JAKMIP1: variants seen among roughly 807,000 people sequenced by gnomAD.
The protein encoded by JAKMIP1 is janus kinase and microtubule-interacting protein 1.
A neutral mutation model predicts 113.0 loss-of-function variants in JAKMIP1; 33 were observed. That is an observed-to-expected ratio of 0.29 (90% CI 0.22 to 0.39). The LOEUF (loss-of-function observed/expected upper bound fraction) is 0.39, where lower values mean the gene tolerates loss of function less well. JAKMIP1 is among the 10% of genes least tolerant of loss of function. The pLI is 1.00. For synonymous variants in JAKMIP1, 480 were observed against 459.9 expected, an observed-to-expected ratio of 1.04 and a Z score of -0.56; for missense variants, 813 against 1,080.5, an observed-to-expected ratio of 0.75 and a Z score of 3.47.
At chr4:6,062,469 A>C (rs563053164) in intron 9 of JAKMIP1, 29 bp from the exon 10 acceptor site, 7 of 1,591,332 alleles carry the variant, frequency 4.4e-6, no homozygotes, top group Non-Finnish European at 4.3e-6. Flanking sequence ...AAAACAAATA[A>C]TCAAGTGCAA....
In JAKMIP1 at chr4:6,155,634, A is replaced by G. The variant is rs865921609; in HGVS notation, c.-147-42637T>C. Among the ~76,000 whole-genome samples, 4 of 152,252 alleles carry G rather than the reference A, an allele frequency of 2.6e-5. No individual in the cohort carries two copies. Among genetic ancestry groups the G allele is most frequent in the Admixed American group, 1.3e-4 (2 of 15,284 alleles). ...CGCATATTCAGCTGCAGGGACATGC[A>G]CGGATGTGCTGTTTACAACAAGGAA... On this transcript the variant is annotated intron_variant, in intron 1 of 20. Transcript: ENST00000409021. This position sits in a 1 kb window ranked among gnomAD's most constrained non-coding sequence, Gnocchi z 6.1.
In JAKMIP1 at chr4:6,105,827, C is replaced by T; in HGVS notation, c.270G>A (p.Gly90=). The T allele has an allele frequency of 1.2e-6, 2 of 1,611,026 alleles. No individual in the cohort carries two copies. Among genetic ancestry groups the T allele is most frequent in the Middle Eastern group, 3.3e-4 (2 of 6,060 alleles). Reference sequence around the variant, plus strand: ...CCTCCTGCTCGTGCTGCCGGATGAGCCCCTCGCGCAGCGCCTGCAGCTCCT... The same window carrying T: ...CCTCCTGCTCGTGCTGCCGGATGAGTCCCTCGCGCAGCGCCTGCAGCTCCT... ...KTKELQALRE[G]LIRQHEQEAA... Residue 90 remains glycine (G), a synonymous_variant, in exon 3 of 21, where the codon GGG becomes GGA. Transcript: ENST00000409021.
intron 1 of JAKMIP1, among the ~76,000 whole-genome samples, chr4:6,146,032 A>G (rs534500012): frequency 8.7e-4 from 133 of 152,316 alleles, no homozygotes; most frequent in Non-Finnish European, 1.6e-3. Context: ...AGTGTCTCTC[A>G]ATAGATGAAT....
chr4:6,062,226 A>G (rs933690575), intron 10 of JAKMIP1, 86 bp downstream of exon 10: 14 of 1,466,884 alleles, frequency 9.5e-6, no homozygotes, highest in Non-Finnish European at 1.3e-5. Context: ...TGAGTGTCCA[A>G]GCCAGGGTAT....
chr4:6,042,147 CA>C lies in JAKMIP1; in HGVS notation c.2097+11del. Reference sequence around the variant, plus strand: ...ACCCTCTCCCCCACCCCCAGGCAGTCAAATCTTTTACCTTCTCCTTCTCCAG... The same window carrying C: ...ACCCTCTCCCCCACCCCCAGGCAGTCAATCTTTTACCTTCTCCTTCTCCAG... On this transcript the variant is annotated intron_variant, in intron 17 of 20. Transcript: ENST00000409021. The surrounding 1 kb of genome is among the most constrained non-coding windows in gnomAD (Gnocchi z 5.2). 6.2e-7 allele frequency: 1 copy of C among 1,612,574 alleles called. No individual in the cohort carries two copies.
At chr4:6,132,225 T>C (rs1366152971) in intron 1 of JAKMIP1, among the ~76,000 whole-genome samples, 4 of 152,198 alleles carry the variant, frequency 2.6e-5, no homozygotes, top group Admixed American at 6.5e-5. Flanking sequence ...GTGTTGTTAT[T>C]TGAAAGTGGA....
rs1265347905 is a variant in JAKMIP1 at position 6,129,259 on chromosome 4, G to A, written c.-147-16262C>T. On this transcript the variant is annotated intron_variant, in intron 1 of 20. Transcript: ENST00000409021. This position sits in a 1 kb window ranked among gnomAD's most constrained non-coding sequence, Gnocchi z 5.4. Reference sequence around the variant, plus strand: ...ATAGTCCCCCCTTCTGCAGAATCAAGTACAACTGGACAAGAGCTGGCACAT... The same window carrying A: ...ATAGTCCCCCCTTCTGCAGAATCAAATACAACTGGACAAGAGCTGGCACAT... Among the ~76,000 whole-genome samples the A allele has an allele frequency of 6.6e-6, 1 of 152,206 alleles. No individual in the cohort carries two copies. Among genetic ancestry groups the A allele is most frequent in the Non-Finnish European group, 1.5e-5 (1 of 68,032 alleles).
At chr4:6,177,092 C>CA (rs1200981801) in intron 1 of JAKMIP1, among the ~76,000 whole-genome samples, 1 of 152,140 alleles carries the variant, frequency 6.6e-6, no homozygotes, top group Non-Finnish European at 1.5e-5. Context: ...GAGCAGTGAC[C>CA]ATGTGACCAT....
rs144775855 is a variant in JAKMIP1, at chr4:6,055,872, A to G, written c.1707+825T>C. On this transcript the variant is annotated intron_variant, in intron 12 of 20. Transcript: ENST00000409021. ...CCCAGAGGTCGGGGCAGCCCTCCTT[A>G]TTTCTGCAGAGTGTCCCCAGAGGAC... Among the ~76,000 whole-genome samples, 124 of 139,862 alleles carry G rather than the reference A, an allele frequency of 8.9e-4. 1 individual carries two copies. Among genetic ancestry groups the G allele is most frequent in the African/African-American group, 3.3e-3 (118 of 36,038 alleles). 91.8% of individuals were successfully genotyped at this position (139,862 alleles called of 152,430 possible).
At chr4:6,039,692 C>G (rs1714061071) in intron 18 of JAKMIP1, among the ~76,000 whole-genome samples, 1 of 152,148 alleles carries the variant, frequency 6.6e-6, no homozygotes, top group African/African-American at 2.4e-5. Context: ...TTCTACATCT[C>G]CTGCTCCTAG....
chr4:6,030,684 C>A lies in JAKMIP1; in HGVS notation c.2380-903G>T, dbSNP rs149021278. 8.2e-4 allele frequency among the ~76,000 whole-genome samples: 125 copies of A among 152,332 alleles called. 1 individual carries two copies. In the East Asian group the frequency reaches 0.024, roughly 29 times the overall value. ...AGAGACCTCATACAATGAGACAATG[C>A]TGGGAGGCGGAAGGGTGGACGATTT... On this transcript the variant is annotated intron_variant, in intron 19 of 20. Transcript: ENST00000409021.
chr4:6,121,548 G>A (rs1432545886), intron 1 of JAKMIP1, among the ~76,000 whole-genome samples: 1 of 152,208 alleles, frequency 6.6e-6, no homozygotes, highest in Non-Finnish European at 1.5e-5. Context: ...CCCGTGATGG[G>A]TATGCAGTAG....
chr4:6,115,988 G>A (rs1715713151), intron 1 of JAKMIP1, among the ~76,000 whole-genome samples: 2 of 152,084 alleles, frequency 1.3e-5, no homozygotes, highest in East Asian at 1.9e-4. Flanking sequence ...GTCCAAGCTC[G>A]ATCCGATTCC....
In JAKMIP1 at chr4:6,194,791, G is replaced by C. The variant is rs547052598; in HGVS notation, c.-148+5462C>G. On this transcript the variant is annotated intron_variant, in intron 1 of 20. Transcript: ENST00000409021. The surrounding 1 kb of genome is among the most constrained non-coding windows in gnomAD (Gnocchi z 7.4). ...CTTCAGCCAGTCTAAGCCACGGTGG[G>C]AGACAGGAGAGCAGGCAGCCTGTAC... Among the ~76,000 whole-genome samples the C allele has an allele frequency of 1.3e-5, 2 of 152,234 alleles. No individual in the cohort carries two copies. Among genetic ancestry groups the C allele is most frequent in the South Asian group, 2.1e-4 (1 of 4,810 alleles).
chr4:6,160,106 G>A (rs1202609795), intron 1 of JAKMIP1, among the ~76,000 whole-genome samples: 4 of 152,184 alleles, frequency 2.6e-5, no homozygotes, highest in South Asian at 2.1e-4. Context: ...TGCTCCTAAC[G>A]AGGACAGGGA....
chr4:6,133,281 T>C (rs1338399886), intron 1 of JAKMIP1, among the ~76,000 whole-genome samples: 1 of 152,144 alleles, frequency 6.6e-6, no homozygotes, highest in East Asian at 1.9e-4. Context: ...CCATTGATAA[T>C]GGGGATGGTG....
At position 6,080,894 on chromosome 4, in the gene JAKMIP1, G is replaced by A. The variant is rs547502214; in HGVS notation, c.1102-582C>T. Among the ~76,000 whole-genome samples the A allele has an allele frequency of 9.2e-5, 14 of 152,086 alleles. No homozygotes were observed. The highest frequency in any genetic ancestry group is 3.1e-4 in the African/African-American group (13 of 41,456). On this transcript the variant is annotated intron_variant, in intron 6 of 20. Coordinates refer to ENST00000409021, the MANE Select transcript of JAKMIP1 (RefSeq NM_001099433.2). This position sits in a 1 kb window ranked among gnomAD's most constrained non-coding sequence, Gnocchi z 6.0. Reference sequence around the variant, plus strand: ...CACTGCTGACAGGAAGGGATGCGCAGGGCCTGGGGGTGGAAGACGACATTT... The same window carrying A: ...CACTGCTGACAGGAAGGGATGCGCAAGGCCTGGGGGTGGAAGACGACATTT...
intron 1 of JAKMIP1, among the ~76,000 whole-genome samples, chr4:6,189,752 G>A (rs1727036642): frequency 1.3e-5 from 2 of 152,212 alleles, no homozygotes; most frequent in Admixed American, 1.3e-4. Context: ...GCCCTACCTG[G>A]CCCAGCCTGG....
At position 6,116,509 on chromosome 4, in the gene JAKMIP1, C is replaced by T. The variant is rs916269823; in HGVS notation, c.-147-3512G>A. Among the ~76,000 whole-genome samples the T allele has an allele frequency of 5.9e-5, 9 of 152,138 alleles. No individual in the cohort carries two copies. Among genetic ancestry groups the T allele is most frequent in the African/African-American group, 1.9e-4 (8 of 41,432 alleles). On this transcript the variant is annotated intron_variant, in intron 1 of 20. Transcript: ENST00000409021. This position sits in a 1 kb window ranked among gnomAD's most constrained non-coding sequence, Gnocchi z 5.1. Reference sequence around the variant, plus strand: ...TCCTGAAGGCACGGGGACCTTGGACCTGCTGACCCTGGACCTTGTCTGGCA... The same window carrying T: ...TCCTGAAGGCACGGGGACCTTGGACTTGCTGACCCTGGACCTTGTCTGGCA...
Sources: gnomAD v4.1 joint callset for allele counts (sites outside exome capture counted in the v4.1 genomes callset) on GRCh38, gnomAD v4.1.1 for gene constraint, Gnocchi (gnomAD v3.1) non-coding constraint, MANE v1.5 for transcripts, NCBI Gene and HGNC (gene_info 2026-07-23, HGNC 2026-07-21) for gene names.